The following XKR4 variants were observed in gnomAD, a reference collection of about 807,000 sequenced individuals.
XKR4 encodes the protein XK related 4.
In XKR4, 12 loss-of-function variants were observed where a neutral mutation model predicts 53.9. The observed-to-expected ratio is 0.22, with a 90% CI of 0.14 to 0.36. The LOEUF is 0.36. Among genes scored for constraint, XKR4 ranks in the 10% least tolerant of loss-of-function variants. The probability of loss-of-function intolerance (pLI) is 1.00; values close to 1 mark genes in which losing one functional copy is unlikely to be tolerated. For missense variants in XKR4, 799 were observed against 859.5 expected (o/e 0.93, Z 0.88); for synonymous variants, 354 against 362.4 (o/e 0.98, Z 0.26).
chr8:55,126,004 T>C (rs1015655440), intron 1 of XKR4, among the ~76,000 whole-genome samples: 23 of 152,104 alleles, frequency 1.5e-4, no homozygotes, highest in African/African-American at 5.3e-4. Flanking sequence ...TTGTATTCCT[T>C]TTTTTTATGA....
chr8:55,146,882 A>G (rs1816777687), intron 1 of XKR4, among the ~76,000 whole-genome samples: 1 of 152,152 alleles, frequency 6.6e-6, no homozygotes, highest in Admixed American at 6.5e-5. Flanking sequence ...TGGGTAGGGG[A>G]GGGGGCAGCT....
At chr8:55,309,171 T>A (rs1819353687) in intron 1 of XKR4, among the ~76,000 whole-genome samples, 2 of 152,158 alleles carry the variant, frequency 1.3e-5, no homozygotes, top group South Asian at 4.1e-4. Context: ...ACTTAGTGTG[T>A]GGAAATTCAT....
In XKR4 at chr8:55,531,829, C is replaced by T. The variant is rs1051472282; in HGVS notation, c.*7602C>T. ...CAGCATACTGGTTATTTAGGAATAA[C>T]AAATTTCTGGACATAAACATGAGCT... On this transcript the variant is annotated 3_prime_UTR_variant, in exon 3 of 3. Transcript: ENST00000327381. The T allele has an allele frequency of 1.3e-5, 2 of 152,216 alleles. No homozygotes were observed. Among genetic ancestry groups the T allele is most frequent in the Non-Finnish European group, 2.9e-5 (2 of 68,028 alleles). 9.4% of individuals were successfully genotyped at this position (152,216 alleles called of 1,614,324 possible).
intron 2 of XKR4, among the ~76,000 whole-genome samples, chr8:55,507,915 A>G (rs571522427): frequency 6.6e-6 from 1 of 152,300 alleles, no homozygotes; most frequent in African/African-American, 2.4e-5. Context: ...ATCCCTGAGG[A>G]ATTGCCATAC....
chr8:55,497,245 G>T (rs1022034981), intron 2 of XKR4, among the ~76,000 whole-genome samples: 1 of 152,172 alleles, frequency 6.6e-6, no homozygotes, highest in African/African-American at 2.4e-5. Flanking sequence ...ATAAGAGATT[G>T]AATATAAATG....
rs376027723 is a variant in XKR4 at position 55,524,053 on chromosome 8, A to G, written c.1779A>G (p.Ser593=). The change falls in exon 3 of 3, where the codon TCA becomes TCG. Residue 593 remains serine, a synonymous_variant. Transcript: ENST00000327381. The stretch of plus-strand genomic sequence containing the variant: ...CTCGCCCACCACGGATTGAAGAATC[A>G]GTCATTAAAATTGACTTGTTCAGGA... ...PSSRPPRIEE[S]VIKIDLFRNR... 1.1e-5 allele frequency: 17 copies of G among 1,614,138 alleles called. No individual in the cohort carries two copies. The highest frequency in any genetic ancestry group is 1.3e-5 in the African/African-American group (1 of 74,950).
chr8:55,384,526 C>T (rs1000856523), intron 2 of XKR4, among the ~76,000 whole-genome samples: 1 of 152,084 alleles, frequency 6.6e-6, no homozygotes, highest in Non-Finnish European at 1.5e-5. Flanking sequence ...AATAGCCAAA[C>T]GTTAGATTGA....
chr8:55,471,076 T>A (rs933076819), intron 2 of XKR4, among the ~76,000 whole-genome samples: 1 of 152,126 alleles, frequency 6.6e-6, no homozygotes, highest in Admixed American at 6.6e-5. Flanking sequence ...ACTAGCCACA[T>A]TGAAAATTAA....
chr8:55,157,508 T>A (rs1051873809), intron 1 of XKR4, among the ~76,000 whole-genome samples: 8 of 152,072 alleles, frequency 5.3e-5, no homozygotes, highest in Non-Finnish European at 7.4e-5. Flanking sequence ...TTTTTTTTTT[T>A]AAAGAATTTT....
intron 1 of XKR4, among the ~76,000 whole-genome samples, chr8:55,319,466 T>C (rs912783300): frequency 4.6e-5 from 7 of 152,344 alleles, no homozygotes; most frequent in African/African-American, 1.2e-4. Context: ...TGCAGTGAAG[T>C]CATTTGCGAT....
At position 55,527,528 on chromosome 8, in the gene XKR4, T is replaced by C. The variant is rs1806895533; in HGVS notation, c.*3301T>C. On this transcript the variant is annotated 3_prime_UTR_variant, in exon 3 of 3. Coordinates refer to ENST00000327381, the MANE Select transcript of XKR4 (RefSeq NM_052898.2). ...AATGTGTGTGTGTGTATCTTAACCATAGTGACACTTTAAGTGTTTGTGTGA... is the reference window on the plus strand; with the variant it reads ...AATGTGTGTGTGTGTATCTTAACCACAGTGACACTTTAAGTGTTTGTGTGA... The C allele has an allele frequency of 6.6e-6, 1 of 152,232 alleles. No homozygotes were observed. Among genetic ancestry groups the C allele is most frequent in the Non-Finnish European group, 1.5e-5 (1 of 68,034 alleles). The allele number at this position is 152,232 out of a possible 1,614,324, so 9.4% of individuals were successfully genotyped here.
intron 1 of XKR4, among the ~76,000 whole-genome samples, chr8:55,323,143 T>C (rs1803240593): frequency 6.6e-6 from 1 of 152,240 alleles, no homozygotes; most frequent in Non-Finnish European, 1.5e-5. Context: ...TTTCTGCATT[T>C]ATTGAGATGA....
chr8:55,310,703 A>G (rs1819376361), intron 1 of XKR4, among the ~76,000 whole-genome samples: 1 of 152,230 alleles, frequency 6.6e-6, no homozygotes, highest in Non-Finnish European at 1.5e-5. Context: ...GGGTGTAAAA[A>G]GACGCTTGAA....
At chr8:55,207,010 G>A (rs1217631584) in intron 1 of XKR4, among the ~76,000 whole-genome samples, 1 of 152,210 alleles carries the variant, frequency 6.6e-6, no homozygotes, top group Non-Finnish European at 1.5e-5. Flanking sequence ...TGAGTCCTGT[G>A]ATCCACTTGG....
At chr8:55,517,263 C>T (rs748141004) in intron 2 of XKR4, 1 of 151,124 alleles carries the variant, frequency 6.6e-6, no homozygotes, top group Non-Finnish European at 1.5e-5. Context: ...TGTACTTGTG[C>T]TCTGTCGATA....
chr8:55,454,512 C>T lies in XKR4; in HGVS notation c.1007-68769C>T, dbSNP rs1235522519. The T allele has an allele frequency of 5.4e-6, 7 of 1,297,734 alleles. No homozygotes were observed. In the African/African-American group the frequency reaches 1.0e-4, roughly 19 times the overall value. The allele number at this position is 1,297,734 out of a possible 1,614,324, so 80.4% of individuals were successfully genotyped here. On this transcript the variant is annotated intron_variant, in intron 2 of 2. Transcript: ENST00000327381. The stretch of plus-strand genomic sequence containing the variant: ...ACCAAAGACAGTACGTTGGTGATGC[C>T]CAGCTGGCGGAAGAGCAGGCCACGC...
chr8:55,216,599 T>TGC (rs1817802723), intron 1 of XKR4, among the ~76,000 whole-genome samples: 1 of 151,886 alleles, frequency 6.6e-6, no homozygotes, highest in Non-Finnish European at 1.5e-5. Flanking sequence ...TGGTGGCACA[T>TGC]GCCTGTAATC....
intron 1 of XKR4, among the ~76,000 whole-genome samples, chr8:55,181,347 A>G (rs1817307632): frequency 6.6e-6 from 1 of 152,174 alleles, no homozygotes; most frequent in African/African-American, 2.4e-5. Context: ...CACTCTGATA[A>G]CTATTCCACA....
intron 1 of XKR4, among the ~76,000 whole-genome samples, chr8:55,174,125 TA>T (rs914392331): frequency 9.2e-5 from 14 of 152,120 alleles, no homozygotes; most frequent in Admixed American, 3.3e-4. Context: ...ATAATACAAT[TA>T]AAATGTTTTT....
Sources: allele counts gnomAD v4.1 joint callset (sites outside exome capture counted in the v4.1 genomes callset), GRCh38; gene constraint gnomAD v4.1.1; transcripts MANE v1.5; gene names NCBI Gene and HGNC (gene_info 2026-07-23, HGNC 2026-07-21).